The following SAMD5 variants were observed in gnomAD, a reference collection of about 807,000 sequenced individuals.
SAMD5 encodes the protein sterile alpha motif domain containing 5.
In SAMD5, 13 loss-of-function variants were observed where a neutral mutation model predicts 11.3. The observed-to-expected ratio is 1.15, with a 90% CI of 0.75 to 1.83. The LOEUF (loss-of-function observed/expected upper bound fraction) is 1.83. Among genes scored for constraint, SAMD5 ranks in the 40% most tolerant of loss-of-function variants. The pLI, the probability that SAMD5 is intolerant of heterozygous loss-of-function variation, is 0.00. For synonymous variants in SAMD5, 129 were observed against 111.3 expected (o/e 1.16, Z -1.00); for missense variants, 255 against 239.1 (o/e 1.07, Z -0.44).
the SAMD5 span, among the ~76,000 whole-genome samples, chr6:147,950,145 C>T: frequency 3.4e-4 from 52 of 152,240 alleles, no homozygotes; most frequent in African/African-American, 1.1e-3. Context: ...CGCAGTTAGC[C>T]GTGCAGAGAA....
chr6:147,949,381 C>A, the SAMD5 span, among the ~76,000 whole-genome samples: 1 of 152,212 alleles, frequency 6.6e-6, no homozygotes, highest in Non-Finnish European at 1.5e-5. Flanking sequence ...GGTAAGAAAT[C>A]TTTTGTTATT....
chr6:147,552,276 T>C (rs1788787374), intron 1 of SAMD5, among the ~76,000 whole-genome samples: 1 of 152,238 alleles, frequency 6.6e-6, no homozygotes, highest in African/African-American at 2.4e-5. Context: ...TGTTGGCCTG[T>C]TGCTTCTTGA....
chr6:147,943,461 C>T, the SAMD5 span, among the ~76,000 whole-genome samples: 47 of 152,194 alleles, frequency 3.1e-4, no homozygotes, highest in South Asian at 2.5e-3. Context: ...CCAAAACCCA[C>T]GGCATCCTTC....
At chr6:147,595,469 G>A (rs1252479089) in intron 1 of SAMD5, among the ~76,000 whole-genome samples, 1 of 149,866 alleles carries the variant, frequency 6.7e-6, no homozygotes, top group Non-Finnish European at 1.5e-5. Flanking sequence ...TAGAATAAAT[G>A]TGCCCTGGAC....
the SAMD5 span, among the ~76,000 whole-genome samples, chr6:147,861,471 T>C: frequency 3.9e-5 from 6 of 152,094 alleles, no homozygotes; most frequent in African/African-American, 1.4e-4. Context: ...CAACCCACTG[T>C]GATTATTTCT....
At chr6:147,591,024 ATTC>A (rs1273398326) in intron 1 of SAMD5, among the ~76,000 whole-genome samples, 2 of 152,164 alleles carry the variant, frequency 1.3e-5, no homozygotes, top group Non-Finnish European at 2.9e-5. Flanking sequence ...TATTAGTGCT[ATTC>A]TTCGAGGTCT....
chr6:147,941,089 C>A, the SAMD5 span, among the ~76,000 whole-genome samples: 74 of 152,246 alleles, frequency 4.9e-4, no homozygotes, highest in African/African-American at 1.6e-3. Flanking sequence ...ATCTTAAAGA[C>A]TTTTTTCTTC....
chr6:147,946,779 A>G, the SAMD5 span, among the ~76,000 whole-genome samples: 1,765 of 152,342 alleles, frequency 0.012, 18 homozygotes, highest in Non-Finnish European at 0.017. Context: ...CTGAAATTAG[A>G]AAGTTTTACT....
intron 1 of SAMD5, among the ~76,000 whole-genome samples, chr6:147,518,767 A>G (rs1450738971): frequency 6.6e-6 from 1 of 152,200 alleles, no homozygotes; most frequent in South Asian, 2.1e-4. Context: ...TATTAATACT[A>G]CTAGTATTGA....
chr6:147,789,712 A>C, the SAMD5 span, among the ~76,000 whole-genome samples: 2 of 152,160 alleles, frequency 1.3e-5, no homozygotes, highest in Admixed American at 6.5e-5. Context: ...GTGTTTAGTC[A>C]TCAGGTCTAC....
At chr6:147,570,049 T>C (rs371921677), downstream of SAMD5, 6 of 978,952 alleles carry the variant, frequency 6.1e-6, no homozygotes, top group East Asian at 2.3e-4. Context: ...TTTGTAATCT[T>C]CCACATCTTG....
the SAMD5 span, among the ~76,000 whole-genome samples, chr6:147,860,964 A>G: frequency 6.6e-6 from 1 of 152,204 alleles, no homozygotes; most frequent in African/African-American, 2.4e-5. Context: ...ACTGTAGAAA[A>G]CATATGTATA....
chr6:147,700,531 C>T (rs373944400), intron 1 of SAMD5, among the ~76,000 whole-genome samples: 1 of 152,178 alleles, frequency 6.6e-6, no homozygotes, highest in Non-Finnish European at 1.5e-5. Context: ...GGGTAGGTTG[C>T]CCCCAAGTGA....
In SAMD5 at chr6:147,697,623, AAAACT is replaced by A. The variant is rs1791195162; in HGVS notation, c.163-39685_163-39681del. Among the ~76,000 whole-genome samples the A allele has an allele frequency of 3.3e-5, 5 of 152,232 alleles. 1 individual carries two copies. In the South Asian group the frequency reaches 1.0e-3, roughly 32 times the overall value. On this transcript the variant is annotated intron_variant, in intron 1 of 1. Transcript: ENST00000566741. ...GCTTAACAATAAAAAAATCTATAAA[AAAACT>A]AAACTAAAACTAGGGGTTTATATAG...
At chr6:147,777,096 T>A in the SAMD5 span, among the ~76,000 whole-genome samples, 13 of 152,296 alleles carry the variant, frequency 8.5e-5, no homozygotes, top group African/African-American at 3.1e-4. Flanking sequence ...GGTCAGAGAA[T>A]AAAAGCATGA....
At chr6:147,857,341 CAAA>C in the SAMD5 span, among the ~76,000 whole-genome samples, 3 of 135,294 alleles carry the variant, frequency 2.2e-5, no homozygotes, top group African/African-American at 2.7e-5. Context: ...CTGTCTGTAC[CAAA>C]AAAAAAAAAA....
chr6:147,796,781 A>G, the SAMD5 span, among the ~76,000 whole-genome samples: 7 of 151,638 alleles, frequency 4.6e-5, no homozygotes, highest in Admixed American at 4.6e-4. Context: ...GAGGTCCTTC[A>G]CATCCCTTGT....
chr6:147,527,833 G>T (rs905817810), intron 1 of SAMD5, among the ~76,000 whole-genome samples: 1 of 152,092 alleles, frequency 6.6e-6, no homozygotes, highest in Non-Finnish European at 1.5e-5. Context: ...AATTTATAAA[G>T]AAAAGAGGTT....
At chr6:147,762,619 A>G in the SAMD5 span, among the ~76,000 whole-genome samples, 9 of 152,246 alleles carry the variant, frequency 5.9e-5, no homozygotes, top group African/African-American at 1.9e-4. Flanking sequence ...TCGTAAAAGT[A>G]GTGGAACTTT....
Sources: allele counts gnomAD v4.1 joint callset (sites outside exome capture counted in the v4.1 genomes callset), GRCh38; gene constraint gnomAD v4.1.1; transcripts MANE v1.5; gene names NCBI Gene and HGNC (gene_info 2026-07-23, HGNC 2026-07-21).